Variants in MED20 observed in about 807,000 individuals in gnomAD.
The protein encoded by MED20 is mediator of RNA polymerase II transcription subunit 20.
Under a neutral mutation model 19.7 loss-of-function variants are expected in MED20, and 19 were observed. The observed-to-expected ratio is 0.96, with a 90% CI of 0.67 to 1.42. MED20 has a LOEUF of 1.42. Ranked by LOEUF, MED20 falls within the 40% of genes most tolerant of loss-of-function variation. The pLI is 0.00. For synonymous variants in MED20, 105 were observed against 104.8 expected, an observed-to-expected ratio of 1.00 and a Z score of -0.01; for missense variants, 225 against 273.0, an observed-to-expected ratio of 0.82 and a Z score of 1.24.
chr6:41,914,217 G>T (rs1428007865), intron 2 of MED20, among the ~76,000 whole-genome samples: 1 of 152,186 alleles, frequency 6.6e-6, no homozygotes, highest in East Asian at 1.9e-4. Flanking sequence ...GCAGGAATGA[G>T]GGCTGCCTAG....
chr6:41,921,019 G>A lies in MED20; in HGVS notation c.-1C>T. The stretch of plus-strand genomic sequence containing the variant: ...TGCAGTCCTACCAAGTCACTCCCAT[G>A]GCGTCGGGCCAGGAAGGTGGCAGAA... On this transcript the variant is annotated 5_prime_UTR_variant, in exon 1 of 4. Transcript: ENST00000265350. 11 of 1,613,122 alleles carry A rather than the reference G, an allele frequency of 6.8e-6. No homozygotes were observed. Among genetic ancestry groups the A allele is most frequent in the Non-Finnish European group, 9.3e-6 (11 of 1,179,512 alleles).
At chr6:41,914,077 G>A (rs1266847265) in intron 2 of MED20, among the ~76,000 whole-genome samples, 1 of 152,160 alleles carries the variant, frequency 6.6e-6, no homozygotes, top group Non-Finnish European at 1.5e-5. Context: ...TGTATACAGG[G>A]AACAAATACA....
intron 2 of MED20, chr6:41,912,840 CT>C (rs1461831450): frequency 2.6e-5 from 4 of 152,088 alleles, no homozygotes; most frequent in African/African-American, 9.7e-5. Flanking sequence ...AGCCAGGGCG[CT>C]CATGCCTGTA....
At chr6:41,919,526 C>T (rs2127382242) in intron 1 of MED20, among the ~76,000 whole-genome samples, 1 of 152,216 alleles carries the variant, frequency 6.6e-6, no homozygotes, top group East Asian at 1.9e-4. Flanking sequence ...TTTTGAAATA[C>T]AAAAGAATCC....
intron 1 of MED20, 69 bp downstream of exon 1, chr6:41,920,936 T>A (rs995855947): frequency 1.3e-6 from 2 of 1,566,148 alleles, no homozygotes; most frequent in Non-Finnish European, 1.7e-6. Flanking sequence ...CGGCGGACCA[T>A]GGTCAAGGTC....
chr6:41,914,767 C>T (rs1208317059), intron 2 of MED20, among the ~76,000 whole-genome samples: 1 of 151,752 alleles, frequency 6.6e-6, no homozygotes. Context: ...CATCCCCCAT[C>T]ATCCACACCC....
intron 2 of MED20, among the ~76,000 whole-genome samples, chr6:41,911,109 A>C (rs1775182218): frequency 6.6e-6 from 1 of 150,872 alleles, no homozygotes; most frequent in South Asian, 2.1e-4. Context: ...TCCATCTCAA[A>C]AAAAAAAAAA....
intron 2 of MED20, among the ~76,000 whole-genome samples, chr6:41,910,800 C>T (rs116235119): frequency 0.013 from 1,982 of 151,278 alleles, 29 homozygotes; most frequent in South Asian, 0.062. Context: ...GAGGACTTAG[C>T]CCCTGACTTC....
chr6:41,914,993 T>C (rs1775279308), intron 2 of MED20, among the ~76,000 whole-genome samples: 1 of 152,174 alleles, frequency 6.6e-6, no homozygotes. Flanking sequence ...AAATGTAGAT[T>C]ATGTGGCCTA....
At chr6:41,912,760 G>A (rs1366019935) in intron 2 of MED20, among the ~76,000 whole-genome samples, 1 of 152,138 alleles carries the variant, frequency 6.6e-6, no homozygotes, top group Non-Finnish European at 1.5e-5. Context: ...TGAGGAAAAT[G>A]AAGCCAATTG....
chr6:41,919,428 C>T (rs887993433), intron 1 of MED20, among the ~76,000 whole-genome samples: 1 of 152,142 alleles, frequency 6.6e-6, no homozygotes, highest in African/African-American at 2.4e-5. Flanking sequence ...CTAAATGAAT[C>T]TATTAAGGTA....
chr6:41,917,325 G>C (rs1439931349), intron 1 of MED20: 2 of 170,960 alleles, frequency 1.2e-5, no homozygotes, highest in Non-Finnish European at 2.6e-5. Flanking sequence ...ATTTGAACCC[G>C]GGAGGCCGAG....
intron 2 of MED20, among the ~76,000 whole-genome samples, chr6:41,910,547 A>C (rs1466793794): frequency 6.7e-6 from 1 of 150,206 alleles, no homozygotes; most frequent in East Asian, 2.0e-4. Flanking sequence ...CACGAGAATC[A>C]CCTGAACCCA....
rs190277806 is a variant in MED20, at chr6:41,905,816, T to C, written c.*1256A>G. 4 of 152,274 alleles carry C rather than the reference T, an allele frequency of 2.6e-5. No individual in the cohort carries two copies. Among genetic ancestry groups the C allele is most frequent in the Admixed American group, 6.5e-5 (1 of 15,292 alleles). 9.4% of individuals were successfully genotyped at this position (152,274 alleles called of 1,614,324 possible). On this transcript the variant is annotated 3_prime_UTR_variant, in exon 4 of 4. Coordinates refer to ENST00000265350, the MANE Select transcript of MED20 (RefSeq NM_004275.5). ...ATGGTGCAGGTATCAGGGTCAAGTA[T>C]TCTAACCCTAAGATCAGGGTGCATG...
At position 41,909,423 on chromosome 6, in the gene MED20, T is replaced by A. The variant is rs1259598489; in HGVS notation, c.269A>T (p.Asn90Ile). The change falls in exon 3 of 4, where the codon AAC becomes ATC. Residue 90 changes from asparagine to isoleucine, a missense_variant. Transcript: ENST00000265350. ...ENGPCLIADT[N>I]FDVLMVKLKG... ...GAGCTTCACCATAAGCACATCAAAG[T>A]TGGTGTCAGCAATAAGGCAAGGGCC... 4 of 1,614,146 alleles carry A rather than the reference T, an allele frequency of 2.5e-6. No homozygotes were observed. The highest frequency in any genetic ancestry group is 3.4e-6 in the Non-Finnish European group (4 of 1,180,028).
intron 1 of MED20, among the ~76,000 whole-genome samples, chr6:41,918,824 G>GT (rs1775383281): frequency 1.3e-5 from 2 of 150,260 alleles, no homozygotes. Context: ...GCGGGCGCCT[G>GT]TAGTCCCAGC....
rs1319995543 is a variant in MED20 at position 41,906,729 on chromosome 6, C to T, written c.*343G>A. Reference sequence around the variant, plus strand: ...GACAAATCCTTAATAGTTGGGGATACGGACTATTTCCCCCACCAGTACCAG... The same window carrying T: ...GACAAATCCTTAATAGTTGGGGATATGGACTATTTCCCCCACCAGTACCAG... On this transcript the variant is annotated 3_prime_UTR_variant, in exon 4 of 4. Transcript: ENST00000265350. 11 of 255,480 alleles carry T rather than the reference C, an allele frequency of 4.3e-5. No homozygotes were observed. The highest frequency in any genetic ancestry group is 1.3e-3 in the Middle Eastern group (1 of 754). The allele number at this position is 255,480 out of a possible 1,614,324, so 15.8% of individuals were successfully genotyped here.
At chr6:41,911,991 T>C (rs1356020549) in intron 2 of MED20, among the ~76,000 whole-genome samples, 1 of 152,094 alleles carries the variant, frequency 6.6e-6, no homozygotes, top group Non-Finnish European at 1.5e-5. Flanking sequence ...AAGGGGTGTG[T>C]GTGTGCGCTT....
In MED20 at chr6:41,916,848, G is replaced by A; in HGVS notation, c.106C>T (p.Gln36Ter). The change falls in exon 2 of 4, where the codon CAA (glutamine) becomes TAA (stop). Residue 36 changes from glutamine to a stop codon, truncating the protein, a stop_gained. Transcript: ENST00000265350. LOFTEE classifies it high-confidence loss of function. ...TCACAGTCCACACAAAATGTTCCTTGCTTCTCTGCCCCAAGCATCTCCAAT... is the reference window on the plus strand; with the variant it reads ...TCACAGTCCACACAAAATGTTCCTTACTTCTCTGCCCCAAGCATCTCCAAT... ...RKLEMLGAEKQGTFCVDCETY... is the reference protein window; with the variant it reads ...RKLEMLGAEK The A allele has an allele frequency of 6.2e-7, 1 of 1,614,062 alleles. No homozygotes were observed. The highest frequency in any genetic ancestry group is 8.5e-7 in the Non-Finnish European group (1 of 1,180,002).
Sources: allele counts gnomAD v4.1 joint callset (sites outside exome capture counted in the v4.1 genomes callset), GRCh38; gene constraint gnomAD v4.1.1; transcripts MANE v1.5; gene names NCBI Gene and HGNC (gene_info 2026-07-23, HGNC 2026-07-21).